PTPRN2: variants seen among roughly 807,000 people sequenced by gnomAD.
PTPRN2 encodes protein tyrosine phosphatase receptor type N2.
PTPRN2 carries 74 observed loss-of-function variants against 118.8 expected under a neutral mutation model. The observed-to-expected ratio is 0.62, with a 90% confidence interval of 0.52 to 0.76. The LOEUF is 0.76. Ranked by LOEUF, PTPRN2 falls within the 30% of genes least tolerant of loss-of-function variation. PTPRN2 has a pLI of 0.00. For missense variants in PTPRN2, 1,481 were observed against 1,394.4 expected (o/e 1.06, Z -0.99); for synonymous variants, 641 against 608.0 (o/e 1.05, Z -0.80).
At chr7:158,418,694 C>T (rs544934220) in intron 2 of PTPRN2, among the ~76,000 whole-genome samples, 22 of 151,946 alleles carry the variant, frequency 1.4e-4, no homozygotes, top group South Asian at 4.2e-4. Flanking sequence ...TGTACTACAT[C>T]GAGATGCTGT....
In PTPRN2 at chr7:157,609,617, C is replaced by T. The variant is rs974505785; in HGVS notation, c.2345-5542G>A. ...CACAGGGGAGCACAGGGTTTGACTC[C>T]CAGCCCCACTGCTTGCCAGCGGGCG... On this transcript the variant is annotated intron_variant, in intron 15 of 22. Coordinates refer to ENST00000389418, the MANE Select transcript of PTPRN2 (RefSeq NM_002847.5). This position sits in a 1 kb window ranked among gnomAD's most constrained non-coding sequence, Gnocchi z 4.9. 6.6e-6 allele frequency among the ~76,000 whole-genome samples: 1 copy of T among 152,134 alleles called. No individual in the cohort carries two copies. The highest frequency in any genetic ancestry group is 2.4e-5 in the African/African-American group (1 of 41,416).
intron 9 of PTPRN2, among the ~76,000 whole-genome samples, chr7:158,128,945 A>G (rs903184386): frequency 3.3e-5 from 5 of 150,412 alleles, no homozygotes; most frequent in Non-Finnish European, 7.4e-5. Flanking sequence ...ACAGGCAACC[A>G]AACACACACA....
At chr7:158,360,141 C>T (rs113586756) in intron 2 of PTPRN2, among the ~76,000 whole-genome samples, 2 of 42,180 alleles carry the variant, frequency 4.7e-5, no homozygotes, top group East Asian at 6.8e-4. Flanking sequence ...ACGCACAGAC[C>T]CCACATCCAC....
intron 17 of PTPRN2, among the ~76,000 whole-genome samples, chr7:157,584,489 G>T (rs1800557750): frequency 6.6e-6 from 1 of 152,220 alleles, no homozygotes; most frequent in South Asian, 2.1e-4. Flanking sequence ...AGTCCTCCAG[G>T]ACTTGCTTAA....
At chr7:157,547,570 A>G (rs1365021586) in intron 22 of PTPRN2, among the ~76,000 whole-genome samples, 1 of 151,788 alleles carries the variant, frequency 6.6e-6, no homozygotes, top group Non-Finnish European at 1.5e-5. Context: ...TCCTCTCTCG[A>G]CAGCCTCGCA....
At chr7:158,262,630 C>T (rs1472057547) in intron 3 of PTPRN2, among the ~76,000 whole-genome samples, 1 of 149,144 alleles carries the variant, frequency 6.7e-6, no homozygotes, top group Non-Finnish European at 1.5e-5. Flanking sequence ...CATACATTCA[C>T]ACTGCAAACA....
Position 158,443,981 on chromosome 7 carries a change from A to G in PTPRN2, c.163+45754T>C, listed in dbSNP as rs540676329. ...CCAAGTCCTGGGTGTCTGGGCTCATACCCGTCTCTGGGTGTCATTCCAGCA... is the reference window on the plus strand; with the variant it reads ...CCAAGTCCTGGGTGTCTGGGCTCATGCCCGTCTCTGGGTGTCATTCCAGCA... On this transcript the variant is annotated intron_variant, in intron 2 of 22. Transcript: ENST00000389418. Among the ~76,000 whole-genome samples, 34 of 152,168 alleles carry G rather than the reference A, an allele frequency of 2.2e-4. No homozygotes were observed. The South Asian group carries it at 7.1e-3, about 32-fold the overall frequency.
intron 4 of PTPRN2, among the ~76,000 whole-genome samples, chr7:158,195,076 C>T (rs1334273901): frequency 6.6e-6 from 1 of 152,224 alleles, no homozygotes; most frequent in African/African-American, 2.4e-5. Context: ...TTCCATCTGG[C>T]ACCTTTCCCT....
At chr7:157,969,854 G>C (rs1056046018) in intron 11 of PTPRN2, among the ~76,000 whole-genome samples, 9 of 152,124 alleles carry the variant, frequency 5.9e-5, no homozygotes, top group African/African-American at 1.9e-4. Context: ...AAGGGAGAGA[G>C]GAGAGGAAGA....
chr7:158,093,418 G>A lies in PTPRN2; in HGVS notation c.1644-12041C>T, dbSNP rs954844924. 3.3e-5 allele frequency among the ~76,000 whole-genome samples: 5 copies of A among 152,020 alleles called. No homozygotes were observed. The highest frequency in any genetic ancestry group is 7.4e-5 in the Non-Finnish European group (5 of 68,026). On this transcript the variant is annotated intron_variant, in intron 10 of 22. Transcript: ENST00000389418. The surrounding 1 kb of genome is among the most constrained non-coding windows in gnomAD (Gnocchi z 4.4). ...CCTTTCCTGACTCTGTCGCTGGACC[G>A]ACCCCCACACTGTTTGTGCTTTTAC...
At chr7:158,149,606 C>T (rs1412637213) in intron 6 of PTPRN2, among the ~76,000 whole-genome samples, 2 of 152,070 alleles carry the variant, frequency 1.3e-5, no homozygotes, top group East Asian at 3.9e-4. Context: ...AGTTCGAGAC[C>T]AGCCTGGCCA....
intron 12 of PTPRN2, among the ~76,000 whole-genome samples, chr7:157,776,069 C>T (rs1803196939): frequency 1.3e-5 from 2 of 148,624 alleles, no homozygotes; most frequent in African/African-American, 2.5e-5. Context: ...TCCTCCTCTT[C>T]CTCCCTCTTC....
chr7:157,549,320 TTC>T (rs1224062570), intron 21 of PTPRN2, among the ~76,000 whole-genome samples: 10 of 126,160 alleles, frequency 7.9e-5, no homozygotes, highest in African/African-American at 3.0e-4. Context: ...TTTCTTTCTT[TTC>T]TTTTTTTTTT....
chr7:158,004,021 C>T (rs1384810574), intron 11 of PTPRN2, among the ~76,000 whole-genome samples: 3 of 152,266 alleles, frequency 2.0e-5, no homozygotes, highest in Admixed American at 6.5e-5. Flanking sequence ...CAGAAGACTC[C>T]GGCTCTCGGA....
At chr7:158,478,711 C>T (rs898132741) in intron 2 of PTPRN2, among the ~76,000 whole-genome samples, 5 of 151,970 alleles carry the variant, frequency 3.3e-5, no homozygotes, top group African/African-American at 9.7e-5. Context: ...GGGGGGCAGA[C>T]GAGAAACACA....
At chr7:157,919,133 T>A (rs1041169386) in intron 11 of PTPRN2, among the ~76,000 whole-genome samples, 6 of 152,190 alleles carry the variant, frequency 3.9e-5, no homozygotes, top group African/African-American at 1.4e-4. Flanking sequence ...CAATAGCGAC[T>A]GATCAAGCTC....
intron 3 of PTPRN2, among the ~76,000 whole-genome samples, chr7:158,224,168 GAT>G (rs2150802110): frequency 6.6e-6 from 1 of 152,242 alleles, no homozygotes; most frequent in East Asian, 1.9e-4. Flanking sequence ...ACATAATAAT[GAT>G]GTCAACTCTC....
rs1487370555 is a variant in PTPRN2 at position 158,324,259 on chromosome 7, AC to A, written c.164-7328del. Among the ~76,000 whole-genome samples, 3 of 152,160 alleles carry A rather than the reference AC, an allele frequency of 2.0e-5. No individual in the cohort carries two copies. In the East Asian group the frequency reaches 5.8e-4, roughly 29 times the overall value. The stretch of plus-strand genomic sequence containing the variant: ...TTCCTGGAAGGCAGGGATCACAGCT[AC>A]AGCCTCTTCACGCCCCCACAGCATC... On this transcript the variant is annotated intron_variant, in intron 2 of 22. Coordinates refer to ENST00000389418, the MANE Select transcript of PTPRN2 (RefSeq NM_002847.5).
chr7:157,684,657 C>T (rs1797084661), intron 12 of PTPRN2, among the ~76,000 whole-genome samples: 1 of 151,098 alleles, frequency 6.6e-6, no homozygotes, highest in Non-Finnish European at 1.5e-5. Flanking sequence ...ACTCTAGAGC[C>T]GCGCGACCCA....
Sources: gnomAD v4.1 joint callset for allele counts (sites outside exome capture counted in the v4.1 genomes callset) on GRCh38, gnomAD v4.1.1 for gene constraint, Gnocchi (gnomAD v3.1) non-coding constraint, MANE v1.5 for transcripts, NCBI Gene and HGNC (gene_info 2026-07-23, HGNC 2026-07-21) for gene names.